The following MAPKAPK2 variants were observed in gnomAD, a reference collection of about 807,000 sequenced individuals.
MAPKAPK2 encodes the protein MAPK activated protein kinase 2, also known as MAP kinase-activated protein kinase 2.
A neutral mutation model predicts 48.8 loss-of-function variants in MAPKAPK2; 9 were observed. The observed-to-expected ratio is 0.18, with a 90% CI of 0.11 to 0.32. The LOEUF is 0.32. Ranked by LOEUF, MAPKAPK2 falls within the 10% of genes least tolerant of loss-of-function variation. The pLI, the probability that MAPKAPK2 is intolerant of heterozygous loss-of-function variation, is 1.00. For synonymous variants in MAPKAPK2, 202 were observed against 190.6 expected (o/e 1.06, Z -0.49); for missense variants, 331 against 498.3 (o/e 0.66, Z 3.20).
chr1:206,728,790 C>G lies in MAPKAPK2; in HGVS notation c.360C>G (p.Ile120Met). The change falls in exon 2 of 10, where the codon ATC (isoleucine) becomes ATG (methionine). Residue 120 changes from isoleucine (I) to methionine (M), a missense_variant. Transcript: ENST00000367103. ...RASQCPHIVR[I>M]VDVYENLYAG... ...CCCAGTGCCCGCACATCGTACGGATCGTGGATGTGTACGAGAATCTGTACG... is the reference window on the plus strand; with the variant it reads ...CCCAGTGCCCGCACATCGTACGGATGGTGGATGTGTACGAGAATCTGTACG... The G allele has an allele frequency of 6.2e-7, 1 of 1,614,122 alleles. No homozygotes were observed. The highest frequency in any genetic ancestry group is 8.5e-7 in the Non-Finnish European group (1 of 1,180,024).
At chr1:206,691,504 T>TATATATATATATATAC (rs1424297313) in intron 1 of MAPKAPK2, among the ~76,000 whole-genome samples, 1,367 of 111,958 alleles carry the variant, frequency 0.012, 32 homozygotes, top group East Asian at 0.027. Context: ...TATATATATA[T>TATATATATATATATAC]ACACACATAC....
chr1:206,722,488 A>C (rs1286086252), intron 1 of MAPKAPK2, among the ~76,000 whole-genome samples: 2 of 152,230 alleles, frequency 1.3e-5, no homozygotes, highest in African/African-American at 2.4e-5. Context: ...ATTAACACAT[A>C]TTTTGTCTGT....
chr1:206,728,782 G>T lies in MAPKAPK2; in HGVS notation c.352G>T (p.Val118Leu). Residue 118 changes from valine (V) to leucine (L), a missense_variant, in exon 2 of 10, where the codon GTA becomes TTA. By Grantham distance (32) the Val-to-Leu change is conservative. Coordinates refer to ENST00000367103, the MANE Select transcript of MAPKAPK2 (RefSeq NM_032960.4). ...HWRASQCPHI[V>L]RIVDVYENLY... ...GCGGGCCTCCCAGTGCCCGCACATCGTACGGATCGTGGATGTGTACGAGAA... is the reference window on the plus strand; with the variant it reads ...GCGGGCCTCCCAGTGCCCGCACATCTTACGGATCGTGGATGTGTACGAGAA... 1.2e-6 allele frequency: 2 copies of T among 1,614,076 alleles called. No individual in the cohort carries two copies. Among genetic ancestry groups the T allele is most frequent in the Non-Finnish European group, 1.7e-6 (2 of 1,180,022 alleles).
intron 1 of MAPKAPK2, among the ~76,000 whole-genome samples, chr1:206,706,206 G>A (rs1672954606): frequency 1.3e-5 from 2 of 151,752 alleles, no homozygotes; most frequent in South Asian, 4.2e-4. Context: ...TTCCCACAGG[G>A]ACAGGAGTTA....
intron 1 of MAPKAPK2, among the ~76,000 whole-genome samples, chr1:206,708,439 A>G (rs1264277114): frequency 2.0e-5 from 3 of 152,184 alleles, no homozygotes; most frequent in South Asian, 4.1e-4. Context: ...TTAGCCTTTT[A>G]CTATGTTTAC....
At chr1:206,727,883 A>C (rs1253916377) in intron 1 of MAPKAPK2, among the ~76,000 whole-genome samples, 2 of 152,144 alleles carry the variant, frequency 1.3e-5, no homozygotes, top group Admixed American at 6.5e-5. Flanking sequence ...TCGGCCTCCC[A>C]AAGTGCTGGG....
Position 206,701,043 on chromosome 1 carries a change from C to T in MAPKAPK2, c.279+15535C>T, listed in dbSNP as rs1307683170. On this transcript the variant is annotated intron_variant, in intron 1 of 9. Transcript: ENST00000367103. The stretch of plus-strand genomic sequence containing the variant: ...TGCCTCTGGTACAGCTGCTGCAGAG[C>T]CCCTCCTTGCCTGCAGTCTTCTTTG... 2.0e-5 allele frequency among the ~76,000 whole-genome samples: 3 copies of T among 152,304 alleles called. No homozygotes were observed. In the East Asian group the frequency reaches 5.8e-4, roughly 29 times the overall value.
chr1:206,726,933 G>A (rs1452711755), intron 1 of MAPKAPK2, among the ~76,000 whole-genome samples: 1 of 152,164 alleles, frequency 6.6e-6, no homozygotes, highest in Non-Finnish European at 1.5e-5. Context: ...CTTTCCAGCA[G>A]GTTCTTAGGC....
chr1:206,692,887 T>G (rs1183868410), intron 1 of MAPKAPK2, among the ~76,000 whole-genome samples: 2 of 152,202 alleles, frequency 1.3e-5, no homozygotes, highest in Non-Finnish European at 2.9e-5. Context: ...ATGGGAGCCT[T>G]TTCTGTTTCA....
Position 206,703,496 on chromosome 1 carries a change from T to C in MAPKAPK2, c.279+17988T>C, listed in dbSNP as rs529852588. Reference sequence around the variant, plus strand: ...GCTTGGAGAGCAGGTGGGAGGTGCTTCCTTAGAAAGGGCTGTCTGTGTTCT... The same window carrying C: ...GCTTGGAGAGCAGGTGGGAGGTGCTCCCTTAGAAAGGGCTGTCTGTGTTCT... On this transcript the variant is annotated intron_variant, in intron 1 of 9. Transcript: ENST00000367103. Among the ~76,000 whole-genome samples, 7 of 152,290 alleles carry C rather than the reference T, an allele frequency of 4.6e-5. No individual in the cohort carries two copies. The East Asian group carries it at 1.3e-3, about 29-fold the overall frequency.
At position 206,732,365 on chromosome 1, in the gene MAPKAPK2, G is replaced by T; in HGVS notation, c.1060-210G>T. On this transcript the variant is annotated intron_variant, in intron 9 of 9. Coordinates refer to ENST00000367103, the MANE Select transcript of MAPKAPK2 (RefSeq NM_032960.4). This position sits in a 1 kb window ranked among gnomAD's most constrained non-coding sequence, Gnocchi z 4.4. Reference sequence around the variant, plus strand: ...GGGGCTCTCAGGGAACAGCAGCAGTGCCATAGCCAGGCTCTCTGCTGCCCA... The same window carrying T: ...GGGGCTCTCAGGGAACAGCAGCAGTTCCATAGCCAGGCTCTCTGCTGCCCA... 6.9e-7 allele frequency: 1 copy of T among 1,446,496 alleles called. No homozygotes were observed. The allele number at this position is 1,446,496 out of a possible 1,614,324, so 89.6% of individuals were successfully genotyped here. A position where few individuals can be genotyped will look rare whatever the true frequency, so the allele number is the denominator to read the frequency against.
chr1:206,705,084 C>T (rs6704372), intron 1 of MAPKAPK2, among the ~76,000 whole-genome samples: 5,988 of 152,258 alleles, frequency 0.039, 262 homozygotes, highest in African/African-American at 0.1. Flanking sequence ...TAACATCCTA[C>T]GGAATACTAT....
rs781915750 is a variant in MAPKAPK2, at chr1:206,728,791, G to A, written c.361G>A (p.Val121Met). Residue 121 changes from valine to methionine, a missense_variant, in exon 2 of 10, where the codon GTG becomes ATG. This residue lies in a region of MAPKAPK2 where 111 missense variants were observed against 193.6 expected (regional missense o/e 0.57). Coordinates refer to ENST00000367103, the MANE Select transcript of MAPKAPK2 (RefSeq NM_032960.4). ...ASQCPHIVRI[V>M]DVYENLYAGR... ...CCAGTGCCCGCACATCGTACGGATC[G>A]TGGATGTGTACGAGAATCTGTACGC... is the stretch of plus-strand genomic sequence containing the variant. The A allele has an allele frequency of 1.3e-5, 21 of 1,614,012 alleles. No homozygotes were observed. Among genetic ancestry groups the A allele is most frequent in the Non-Finnish European group, 1.8e-5 (21 of 1,179,992 alleles).
intron 1 of MAPKAPK2, among the ~76,000 whole-genome samples, chr1:206,697,736 A>G (rs563295253): frequency 6.6e-6 from 1 of 152,330 alleles, no homozygotes; most frequent in South Asian, 2.1e-4. Flanking sequence ...TCCAAACTAT[A>G]TCAAGTACCC....
chr1:206,708,490 AC>A (rs1553428953), intron 1 of MAPKAPK2, among the ~76,000 whole-genome samples: 1 of 152,216 alleles, frequency 6.6e-6, no homozygotes, highest in Non-Finnish European at 1.5e-5. Context: ...CTATCCATTG[AC>A]CAGTCCATCT....
intron 1 of MAPKAPK2, chr1:206,695,831 A>T: frequency 2.1e-6 from 1 of 483,134 alleles, no homozygotes; most frequent in East Asian, 4.1e-5. Context: ...AGTCCTGTGC[A>T]CAGTGACCAT....
chr1:206,711,607 CTTTTTTTTT>C (rs781793889), intron 1 of MAPKAPK2, among the ~76,000 whole-genome samples: 2 of 115,504 alleles, frequency 1.7e-5, no homozygotes, highest in Admixed American at 9.4e-5. Context: ...CTACCTCATT[CTTTTTTTTT>C]TTTTTTTTTT....
Position 206,710,281 on chromosome 1 carries a change from G to A in MAPKAPK2, c.280-18429G>A, listed in dbSNP as rs371458377. ...ATGTACATAACAGATGCTCTTCATG[G>A]TCACTGACTAATCATGTTTCTTCTT... is the stretch of plus-strand genomic sequence containing the variant. On this transcript the variant is annotated intron_variant, in intron 1 of 9. Coordinates refer to ENST00000367103, the MANE Select transcript of MAPKAPK2 (RefSeq NM_032960.4). Among the ~76,000 whole-genome samples, 174 of 152,280 alleles carry A rather than the reference G, an allele frequency of 1.1e-3. 1 individual carries two copies. The highest frequency in any genetic ancestry group is 4.1e-3 in the African/African-American group (170 of 41,546).
chr1:206,708,210 C>T (rs988090821), intron 1 of MAPKAPK2, among the ~76,000 whole-genome samples: 2 of 152,188 alleles, frequency 1.3e-5, no homozygotes, highest in East Asian at 1.9e-4. Flanking sequence ...TTCTGCCCTC[C>T]GCAGGCCCCT....
Sources: gnomAD v4.1 joint callset for allele counts (sites outside exome capture counted in the v4.1 genomes callset) on GRCh38, gnomAD v4.1.1 for gene constraint, gnomAD v4.1.1 regional missense constraint, Gnocchi (gnomAD v3.1) non-coding constraint, MANE v1.5 for transcripts, NCBI Gene and HGNC (gene_info 2026-07-23, HGNC 2026-07-21) for gene names.